The following NAV2 variants were observed in gnomAD, a reference collection of about 807,000 sequenced individuals.
The protein encoded by NAV2 is helicase, APC down-regulated 1.
In NAV2, 54 loss-of-function variants were observed where a neutral mutation model predicts 223.2. That is an observed-to-expected ratio of 0.24 (90% CI 0.19 to 0.30). NAV2 has a LOEUF of 0.30. NAV2 is among the 10% of genes least tolerant of loss of function. The pLI is 1.00. For synonymous variants in NAV2, 1,279 were observed against 1,239.3 expected (o/e 1.03, Z -0.67); for missense variants, 2,806 against 3,147.5 (o/e 0.89, Z 2.60).
At chr11:19,853,975 C>G (rs910674777) in intron 3 of NAV2, among the ~76,000 whole-genome samples, 2 of 152,146 alleles carry the variant, frequency 1.3e-5, no homozygotes, top group African/African-American at 4.8e-5. Flanking sequence ...TGAGTGGCAA[C>G]ATGTTGTACT....
chr11:19,348,671 C>A (rs1853129857), upstream of NAV2, among the ~76,000 whole-genome samples: 1 of 152,192 alleles, frequency 6.6e-6, no homozygotes, highest in Non-Finnish European at 1.5e-5. Flanking sequence ...AAGCATATAG[C>A]AAACATTCAG....
Position 19,650,887 on chromosome 11 carries a change from C to T in NAV2, c.76-181597C>T, listed in dbSNP as rs190350563. On this transcript the variant is annotated intron_variant, in intron 1 of 37. Transcript: ENST00000360655. ...AAAAGGCAAACTTAATCTTTAATGA[C>T]GGAAAACAGAAAGTAGAGCTTTTGG... Among the ~76,000 whole-genome samples the T allele has an allele frequency of 7.2e-5, 11 of 152,148 alleles. No homozygotes were observed. The South Asian group carries it at 8.3e-4, about 12-fold the overall frequency.
At chr11:20,106,175 ATGTGTGTG>A (rs1201940130) in intron 35 of NAV2, among the ~76,000 whole-genome samples, 833 of 35,552 alleles carry the variant, frequency 0.023, 209 homozygotes, top group South Asian at 0.068. Flanking sequence ...ATATATATAT[ATGTGTGTG>A]TATATATATA....
intron 1 of NAV2, among the ~76,000 whole-genome samples, chr11:19,412,202 T>A (rs1850173777): frequency 6.6e-6 from 1 of 152,162 alleles, no homozygotes. Context: ...AGCATAGCAG[T>A]CTGAAGTTGA....
intron 1 of NAV2, among the ~76,000 whole-genome samples, chr11:19,692,880 T>C (rs2049221122): frequency 6.6e-6 from 1 of 152,174 alleles, no homozygotes; most frequent in South Asian, 2.1e-4. Context: ...AGCATATACA[T>C]TATACCAGCT....
At chr11:19,827,594 C>T (rs185449153) in intron 1 of NAV2, among the ~76,000 whole-genome samples, 1 of 152,346 alleles carries the variant, frequency 6.6e-6, no homozygotes, top group Non-Finnish European at 1.5e-5. Flanking sequence ...ATTCCAAAGG[C>T]TGCATTCTTC....
At chr11:19,401,337 A>G (rs1007122526) in intron 1 of NAV2, among the ~76,000 whole-genome samples, 2 of 152,252 alleles carry the variant, frequency 1.3e-5, no homozygotes, top group African/African-American at 4.8e-5. Context: ...GCAGCCACGA[A>G]TTGCCAGCCT....
intron 11 of NAV2, among the ~76,000 whole-genome samples, chr11:20,000,130 C>T (rs7110963): frequency 0.91 from 137,701 of 152,130 alleles, 62,585 homozygotes; most frequent in East Asian, 1. Context: ...ATATTTAAGG[C>T]CTGAGACCCT....
At position 20,078,049 on chromosome 11, in the gene NAV2, A is replaced by C; in HGVS notation, c.5124A>C (p.Ala1708=). 1 of 1,613,478 alleles carries C rather than the reference A, an allele frequency of 6.2e-7. No individual in the cohort carries two copies. Among genetic ancestry groups the C allele is most frequent in the Non-Finnish European group, 8.5e-7 (1 of 1,179,884 alleles). Residue 1708 remains alanine, a synonymous_variant, in exon 24 of 38, where the codon GCA becomes GCC. Coordinates refer to ENST00000349880, the MANE Select transcript of NAV2 (RefSeq NM_145117.5). ...TTGAGCTGCTAAAGAAACAGAACGCAGCTGCCCAGGCTGCCATTAATGGAG... is the reference window on the plus strand; with the variant it reads ...TTGAGCTGCTAAAGAAACAGAACGCCGCTGCCCAGGCTGCCATTAATGGAG... ...KTIELLKKQN[A]AAQAAINGVI... is the part of the protein sequence containing the mutation.
At chr11:19,495,519 C>G (rs1409426335) in intron 1 of NAV2, among the ~76,000 whole-genome samples, 1 of 152,192 alleles carries the variant, frequency 6.6e-6, no homozygotes, top group African/African-American at 2.4e-5. Flanking sequence ...CCTAACACCT[C>G]TAGGTTGCAG....
chr11:19,791,885 T>C (rs2057546777), intron 1 of NAV2, among the ~76,000 whole-genome samples: 1 of 152,118 alleles, frequency 6.6e-6, no homozygotes, highest in Non-Finnish European at 1.5e-5. Context: ...CTAAGATGAT[T>C]TTTAGAGGGG....
intron 3 of NAV2, among the ~76,000 whole-genome samples, chr11:19,851,855 G>T (rs1452905958): frequency 6.6e-6 from 1 of 152,136 alleles, no homozygotes; most frequent in South Asian, 2.1e-4. Context: ...TAATGATCCT[G>T]GATTATCTGG....
At chr11:19,719,623 T>C (rs1404282666) in intron 1 of NAV2, among the ~76,000 whole-genome samples, 1 of 152,234 alleles carries the variant, frequency 6.6e-6, no homozygotes, top group African/African-American at 2.4e-5. Context: ...TTGGAAACTA[T>C]GTCTGCCTCA....
At chr11:19,731,767 T>C (rs1212596449) in intron 1 of NAV2, among the ~76,000 whole-genome samples, 1 of 152,262 alleles carries the variant, frequency 6.6e-6, no homozygotes, top group Non-Finnish European at 1.5e-5. Flanking sequence ...GGAACAATTT[T>C]CCTTGCTTTA....
chr11:19,889,255 CTTTG>C (rs1463170896), intron 5 of NAV2, among the ~76,000 whole-genome samples: 1 of 152,152 alleles, frequency 6.6e-6, no homozygotes, highest in African/African-American at 2.4e-5. Flanking sequence ...TCATTATGGC[CTTTG>C]TTTGTGAACC....
chr11:19,453,270 A>C (rs1408497880), intron 1 of NAV2, among the ~76,000 whole-genome samples: 1 of 152,168 alleles, frequency 6.6e-6, no homozygotes, highest in Non-Finnish European at 1.5e-5. Flanking sequence ...AAACAGGTGG[A>C]TCCCAGCTGA....
intron 11 of NAV2, among the ~76,000 whole-genome samples, chr11:20,015,642 G>A (rs1348118341): frequency 2.0e-5 from 3 of 152,072 alleles, no homozygotes; most frequent in African/African-American, 4.8e-5. Context: ...TAAGCTCCAC[G>A]AGGGGGTAGA....
intron 1 of NAV2, among the ~76,000 whole-genome samples, chr11:19,753,163 A>C (rs932745036): frequency 6.6e-6 from 1 of 152,190 alleles, no homozygotes; most frequent in Non-Finnish European, 1.5e-5. Context: ...TAGGCCACCC[A>C]GTCTACGGTA....
chr11:20,045,736 G>A (rs1029473390), intron 14 of NAV2, 66 bp downstream of exon 14: 12 of 1,339,254 alleles, frequency 9.0e-6, no homozygotes, highest in African/African-American at 2.9e-5. Flanking sequence ...GTAATTTCCT[G>A]TTTCTTAGTT....
Sources: allele counts gnomAD v4.1 joint callset (sites outside exome capture counted in the v4.1 genomes callset), GRCh38; gene constraint gnomAD v4.1.1; transcripts MANE v1.5; gene names NCBI Gene and HGNC (gene_info 2026-07-23, HGNC 2026-07-21).